Variants in LCK observed in about 807,000 individuals in gnomAD.
The protein encoded by LCK is tyrosine-protein kinase Lck.
In LCK, 14 loss-of-function variants were observed where a neutral mutation model predicts 64.6. The observed-to-expected ratio is 0.22, with a 90% CI of 0.14 to 0.34. The LOEUF (loss-of-function observed/expected upper bound fraction) is 0.34, where lower values mean the gene tolerates loss of function less well. LCK is among the 10% of genes least tolerant of loss of function. LCK has a pLI of 1.00. For synonymous variants in LCK, 277 were observed against 263.6 expected (o/e 1.05, Z -0.49); for missense variants, 434 against 668.1 (o/e 0.65, Z 3.86).
chr1:32,275,483 G>T lies in LCK; in HGVS notation c.377+64G>T. 1.3e-6 allele frequency: 2 copies of T among 1,577,968 alleles called. No homozygotes were observed. Among genetic ancestry groups the T allele is most frequent in the Admixed American group, 1.8e-5 (1 of 56,424 alleles). ...TCTAGGGATCCTGGAGCAGGGAGTA[G>T]GCCTGGGGTGGCGGTGAAGGCTTGA... is the stretch of plus-strand genomic sequence containing the variant. On this transcript the variant is annotated intron_variant, in intron 5 of 12. Transcript: ENST00000336890. This position sits in a 1 kb window ranked among gnomAD's most constrained non-coding sequence, Gnocchi z 6.9.
rs376187521 is a variant in LCK at position 32,280,030 on chromosome 1, A to G, written c.1195+36A>G. On this transcript the variant is annotated intron_variant, in intron 11 of 12. Transcript: ENST00000336890. ...GATTTAAGGGTGGTCTGGGCCCTGC[A>G]GGGTCTGGCCAAGCAGACCCAGGTG... 3.3e-5 allele frequency: 54 copies of G among 1,613,830 alleles called. 1 individual carries two copies. Among genetic ancestry groups the G allele is most frequent in the Non-Finnish European group, 4.3e-5 (51 of 1,179,890 alleles).
rs141681873 is a variant in LCK at position 32,264,041 on chromosome 1, A to T, written c.-5-10284A>T. Among the ~76,000 whole-genome samples the T allele has an allele frequency of 6.1e-4, 93 of 152,294 alleles. 2 individuals carry two copies. In the East Asian group the frequency reaches 0.017, roughly 28 times the overall value. On this transcript the variant is annotated intron_variant, in intron 1 of 12. Transcript: ENST00000336890. ...CTGCTATTCATAGTCTCATTCTGTT[A>T]TATATCCCTCTGCACACACAGACTC... is the stretch of plus-strand genomic sequence containing the variant.
intron 12 of LCK, among the ~76,000 whole-genome samples, chr1:32,284,251 G>GATATAT (rs149802834): frequency 5.1e-5 from 7 of 138,544 alleles, no homozygotes; most frequent in African/African-American, 1.3e-4. Flanking sequence ...TGCTTTCTGT[G>GATATAT]ATATATATAT....
rs1640255553 is a variant in LCK, at chr1:32,275,996, C to T, written c.564C>T (p.Asn188=). The change falls in exon 7 of 13, where the codon AAC becomes AAT. Residue 188 remains asparagine, a synonymous_variant. Transcript: ENST00000336890. This position sits in a 1 kb window ranked among gnomAD's most constrained non-coding sequence, Gnocchi z 6.9. Reference sequence around the variant, plus strand: ...ATTACAAGATCCGTAATCTGGACAACGGTGGCTTCTACATCTCCCCTCGAA... The same window carrying T: ...ATTACAAGATCCGTAATCTGGACAATGGTGGCTTCTACATCTCCCCTCGAA... ...VKHYKIRNLD[N]GGFYISPRIT... is the part of the protein sequence containing the mutation. The T allele has an allele frequency of 3.1e-6, 5 of 1,614,110 alleles. No homozygotes were observed. Among genetic ancestry groups the T allele is most frequent in the African/African-American group, 2.7e-5 (2 of 74,992 alleles).
chr1:32,274,839 C>G, intron 3 of LCK, 21 bp downstream of exon 3: 1 of 1,614,004 alleles, frequency 6.2e-7, no homozygotes, highest in Non-Finnish European at 8.5e-7. Flanking sequence ...GCAGCAGGGC[C>G]TGAAAGACAA....
chr1:32,279,541 C>T (rs1290784670), intron 9 of LCK, 130 bp from the exon 10 acceptor site: 1 of 1,565,166 alleles, frequency 6.4e-7, no homozygotes, highest in South Asian at 1.2e-5. Context: ...AACACACACT[C>T]CTCCATTCTC....
Position 32,276,811 on chromosome 1 carries a change from C to G in LCK, c.964+25C>G. ...GGTGGGTGCTACCCGAGTCGGCTACCAGGGGATACTGCTCTCCCTGCTGTC... is the reference window on the plus strand; with the variant it reads ...GGTGGGTGCTACCCGAGTCGGCTACGAGGGGATACTGCTCTCCCTGCTGTC... On this transcript the variant is annotated intron_variant, in intron 9 of 12. Transcript: ENST00000336890. The surrounding 1 kb of genome is among the most constrained non-coding windows in gnomAD (Gnocchi z 4.6). 1 of 1,565,058 alleles carries G rather than the reference C, an allele frequency of 6.4e-7. No individual in the cohort carries two copies. Among genetic ancestry groups the G allele is most frequent in the Non-Finnish European group, 8.7e-7 (1 of 1,149,960 alleles).
At chr1:32,270,139 C>T (rs1464119417) in intron 1 of LCK, among the ~76,000 whole-genome samples, 1 of 151,850 alleles carries the variant, frequency 6.6e-6, no homozygotes, top group Non-Finnish European at 1.5e-5. Flanking sequence ...TAGACAGAGT[C>T]TCTGTCACCC....
Sources: gnomAD v4.1 joint callset for allele counts (sites outside exome capture counted in the v4.1 genomes callset) on GRCh38, gnomAD v4.1.1 for gene constraint, Gnocchi (gnomAD v3.1) non-coding constraint, MANE v1.5 for transcripts, NCBI Gene and HGNC (gene_info 2026-07-23, HGNC 2026-07-21) for gene names.